The following MRPS35 variants were observed in gnomAD, a reference collection of about 807,000 sequenced individuals.
The protein encoded by MRPS35 is mitochondrial ribosomal protein S35.
A neutral mutation model predicts 32.7 loss-of-function variants in MRPS35; 29 were observed. That is an observed-to-expected ratio of 0.89 (90% CI 0.66 to 1.21). MRPS35 has a LOEUF of 1.21. Among genes scored for constraint, MRPS35 ranks in the 50% most tolerant of loss-of-function variants. MRPS35 has a pLI of 0.00. For synonymous variants in MRPS35, 148 were observed against 139.3 expected (o/e 1.06, Z -0.44); for missense variants, 373 against 383.8 (o/e 0.97, Z 0.23).
chr12:27,745,234 A>G (rs1367923514), intron 7 of MRPS35, among the ~76,000 whole-genome samples: 2 of 152,222 alleles, frequency 1.3e-5, no homozygotes, highest in African/African-American at 4.8e-5. Context: ...GAAGAATCAA[A>G]CAGCTTATCT....
chr12:27,736,174 A>G (rs1026279477), intron 6 of MRPS35, among the ~76,000 whole-genome samples: 1 of 152,162 alleles, frequency 6.6e-6, no homozygotes, highest in African/African-American at 2.4e-5. Flanking sequence ...ACTTTTAGAG[A>G]TAAGTTAAGT....
chr12:27,733,933 A>G (rs1262619414), intron 5 of MRPS35, among the ~76,000 whole-genome samples: 3 of 152,206 alleles, frequency 2.0e-5, no homozygotes, highest in African/African-American at 7.2e-5. Flanking sequence ...CATTCAGCAA[A>G]TATTTGTTGC....
chr12:27,748,813 G>A (rs555127327), intron 7 of MRPS35, among the ~76,000 whole-genome samples: 4 of 152,136 alleles, frequency 2.6e-5, no homozygotes, highest in African/African-American at 9.6e-5. Context: ...AAAAAAAACT[G>A]AAACAGCTAA....
intron 5 of MRPS35, among the ~76,000 whole-genome samples, chr12:27,731,633 A>C (rs1565467719): frequency 1.3e-5 from 2 of 152,040 alleles, no homozygotes; most frequent in Admixed American, 6.6e-5. Context: ...CAGTGGCGCG[A>C]TCTTGGCTTA....
Position 27,716,383 on chromosome 12 carries a change from T to TTTAAAC in MRPS35, c.246_247insTTAAAC (p.Leu83_Pro84insAsnLeu). 6.2e-7 allele frequency: 1 copy of TTTAAAC among 1,614,160 alleles called. No individual in the cohort carries two copies. Among genetic ancestry groups the TTTAAAC allele is most frequent in the African/African-American group, 1.3e-5 (1 of 75,044 alleles). On this transcript the variant is annotated inframe_insertion, in exon 3 of 8. Transcript: ENST00000081029. ...CACCATTTAAACCCTCTGCAGTACCTCTTCCTGTTCGAATGGGTTATCCAG... is the reference window on the plus strand; with the variant it reads ...CACCATTTAAACCCTCTGCAGTACCTTTAAACCTTCCTGTTCGAATGGGTTATCCAG...
intron 5 of MRPS35, chr12:27,725,437 AT>A: frequency 6.5e-6 from 1 of 152,766 alleles, no homozygotes. Flanking sequence ...TTAGAAAAAT[AT>A]TTTAATGAAT....
At chr12:27,720,650 ATATT>A (rs2061870302) in intron 4 of MRPS35, among the ~76,000 whole-genome samples, 1 of 151,808 alleles carries the variant, frequency 6.6e-6, no homozygotes, top group Non-Finnish European at 1.5e-5. Context: ...TGTAGTATAT[ATATT>A]TATATATACT....
At chr12:27,712,750 C>T (rs1169390472) in intron 1 of MRPS35, among the ~76,000 whole-genome samples, 1 of 152,200 alleles carries the variant, frequency 6.6e-6, no homozygotes, top group Non-Finnish European at 1.5e-5. Flanking sequence ...AGTGTGGGGG[C>T]TCATTCCTGT....
chr12:27,748,438 G>GGGGTGT (rs1555107596), intron 7 of MRPS35, among the ~76,000 whole-genome samples: 1 of 145,972 alleles, frequency 6.9e-6, no homozygotes, highest in Non-Finnish European at 1.5e-5. Context: ...AAAGAAAAGT[G>GGGGTGT]GTGTGTGTGT....
At chr12:27,718,018 A>ACT (rs1470723296) in intron 3 of MRPS35, among the ~76,000 whole-genome samples, 1 of 152,222 alleles carries the variant, frequency 6.6e-6, no homozygotes, top group Non-Finnish European at 1.5e-5. Flanking sequence ...GCCCCTCAAC[A>ACT]CTAGGGTTTA....
At chr12:27,720,873 A>C (rs990208218) in intron 4 of MRPS35, among the ~76,000 whole-genome samples, 1 of 151,350 alleles carries the variant, frequency 6.6e-6, no homozygotes, top group East Asian at 1.9e-4. Context: ...TTTTTAACTC[A>C]TGGTTCTGTG....
intron 1 of MRPS35, among the ~76,000 whole-genome samples, chr12:27,714,480 G>A (rs1458522354): frequency 6.6e-6 from 1 of 151,852 alleles, no homozygotes. Flanking sequence ...CAGCTACTTG[G>A]GAGGCTGAGG....
rs1370783725 is a variant in MRPS35 at position 27,755,403 on chromosome 12, A to G, written c.925A>G (p.Ile309Val). The G allele has an allele frequency of 3.8e-6, 6 of 1,597,892 alleles. No individual in the cohort carries two copies. Among genetic ancestry groups the G allele is most frequent in the African/African-American group, 2.7e-5 (2 of 73,842 alleles). The change falls in exon 8 of 8, where the codon ATT (isoleucine) becomes GTT (valine). Residue 309 changes from isoleucine to valine, a missense_variant. Transcript: ENST00000081029. Reference sequence around the variant, plus strand: ...AAATGAGGAGGAAAATGAAAATTCCATTTCTCAGTACAAAGAATCCGTGAA... The same window carrying G: ...AAATGAGGAGGAAAATGAAAATTCCGTTTCTCAGTACAAAGAATCCGTGAA... ...LKNEEENENS[I>V]SQYKESVKRL...
At position 27,755,993 on chromosome 12, in the gene MRPS35, C is replaced by T. The variant is rs78606859; in HGVS notation, c.*543C>T. On this transcript the variant is annotated 3_prime_UTR_variant, in exon 8 of 8. Coordinates refer to ENST00000081029, the MANE Select transcript of MRPS35 (RefSeq NM_021821.4). ...ATGTTGATTCAACTTTGTTTAGCAT[C>T]CTACTTTCTAGATTGTGGGGCTCAT... The T allele has an allele frequency of 2.1e-4, 32 of 152,218 alleles. No individual in the cohort carries two copies. The highest frequency in any genetic ancestry group is 6.8e-4 in the African/African-American group (28 of 41,440). 9.4% of individuals were successfully genotyped at this position (152,218 alleles called of 1,614,324 possible).
intron 2 of MRPS35, among the ~76,000 whole-genome samples, chr12:27,715,038 G>A (rs928897705): frequency 1.3e-5 from 2 of 152,210 alleles, no homozygotes; most frequent in Non-Finnish European, 2.9e-5. Context: ...GAACTCCCAG[G>A]AAACAGGTGT....
intron 1 of MRPS35, among the ~76,000 whole-genome samples, chr12:27,712,689 A>T (rs2061833108): frequency 6.6e-6 from 1 of 152,204 alleles, no homozygotes; most frequent in Non-Finnish European, 1.5e-5. Flanking sequence ...TTCCATGTAC[A>T]CGAATTGGGA....
intron 6 of MRPS35, among the ~76,000 whole-genome samples, chr12:27,737,250 T>C (rs1035587123): frequency 3.3e-5 from 5 of 152,222 alleles, no homozygotes; most frequent in Admixed American, 6.5e-5. Context: ...AGGGAACTTA[T>C]ATTGGACACA....
intron 5 of MRPS35, among the ~76,000 whole-genome samples, chr12:27,729,618 A>C (rs1179755973): frequency 6.6e-6 from 1 of 152,074 alleles, no homozygotes; most frequent in East Asian, 1.9e-4. Flanking sequence ...GCATTTATGA[A>C]ATTACCTCCT....
At chr12:27,731,909 T>A (rs968988767) in intron 5 of MRPS35, among the ~76,000 whole-genome samples, 1 of 152,222 alleles carries the variant, frequency 6.6e-6, no homozygotes, top group African/African-American at 2.4e-5. Context: ...CTTTCCAATC[T>A]TTTTTATTTT....
Sources: gnomAD v4.1 joint callset for allele counts (sites outside exome capture counted in the v4.1 genomes callset) on GRCh38, gnomAD v4.1.1 for gene constraint, MANE v1.5 for transcripts, NCBI Gene and HGNC (gene_info 2026-07-23, HGNC 2026-07-21) for gene names.